Variants in ADAT2 observed in about 807,000 individuals in gnomAD.
ADAT2 encodes tRNA-specific adenosine-34 deaminase catalytic subunit ADAT2.
Under a neutral mutation model 25.9 loss-of-function variants are expected in ADAT2, and 26 were observed. The ratio of observed to expected loss-of-function variants is 1.00; its 90% CI spans 0.74 to 1.39. The LOEUF (loss-of-function observed/expected upper bound fraction) is 1.39. ADAT2 is among the 40% of genes most tolerant of loss of function. The pLI, the probability that ADAT2 is intolerant of heterozygous loss-of-function variation, is 0.00. For synonymous variants in ADAT2, 76 were observed against 86.8 expected, an observed-to-expected ratio of 0.88 and a Z score of 0.69; for missense variants, 220 against 244.8, an observed-to-expected ratio of 0.90 and a Z score of 0.68.
Position 143,443,235 on chromosome 6 carries a change from C to A in ADAT2, c.97-4541G>T, listed in dbSNP as rs370163815. ...CATAGACAACCTGGCTCCACTTATT[C>A]ATTTGTTCAACAAACATTTGTGGAG... On this transcript the variant is annotated intron_variant, in intron 1 of 5. Transcript: ENST00000237283. Among the ~76,000 whole-genome samples, 4 of 152,064 alleles carry A rather than the reference C, an allele frequency of 2.6e-5. No individual in the cohort carries two copies. In the East Asian group the frequency reaches 5.8e-4, roughly 22 times the overall value.
At chr6:143,447,824 G>C (rs1217572610) in intron 1 of ADAT2, among the ~76,000 whole-genome samples, 2 of 152,106 alleles carry the variant, frequency 1.3e-5, no homozygotes, top group East Asian at 3.9e-4. Flanking sequence ...CAACCATTGT[G>C]GAAGACAGTG....
intron 4 of ADAT2, among the ~76,000 whole-genome samples, chr6:143,430,247 A>G (rs1240848936): frequency 6.6e-6 from 1 of 151,976 alleles, no homozygotes; most frequent in Non-Finnish European, 1.5e-5. Context: ...TCGCACACTC[A>G]GAGCCCTCTC....
rs1176259795 is a variant in ADAT2 at position 143,423,778 on chromosome 6, C to T, written c.*4685G>A. 6.6e-6 allele frequency: 1 copy of T among 152,154 alleles called. No individual in the cohort carries two copies. The highest frequency in any genetic ancestry group is 2.4e-5 in the African/African-American group (1 of 41,404). 9.4% of individuals were successfully genotyped at this position (152,154 alleles called of 1,614,324 possible). ...GAAGGGAGGCCAAGGACTTACACAT[C>T]AAAAGTAGGGGATGAGAAATTTCAT... On this transcript the variant is annotated 3_prime_UTR_variant, in exon 6 of 6. Coordinates refer to ENST00000237283, the MANE Select transcript of ADAT2 (RefSeq NM_182503.3).
At position 143,440,205 on chromosome 6, in the gene ADAT2, C is replaced by T. The variant is rs971534578; in HGVS notation, c.97-1511G>A. Among the ~76,000 whole-genome samples the T allele has an allele frequency of 1.3e-5, 2 of 152,122 alleles. No homozygotes were observed. The highest frequency in any genetic ancestry group is 4.8e-5 in the African/African-American group (2 of 41,404). On this transcript the variant is annotated intron_variant, in intron 1 of 5. Coordinates refer to ENST00000237283, the MANE Select transcript of ADAT2 (RefSeq NM_182503.3). The surrounding 1 kb of genome is among the most constrained non-coding windows in gnomAD (Gnocchi z 4.5). Reference sequence around the variant, plus strand: ...CAAGGTATTCCTTACTGTGGCAGCCCTGAAGAGACTTTGGAAGACTTGATT... The same window carrying T: ...CAAGGTATTCCTTACTGTGGCAGCCTTGAAGAGACTTTGGAAGACTTGATT...
rs967314238 is a variant in ADAT2, at chr6:143,440,101, C to T, written c.97-1407G>A. On this transcript the variant is annotated intron_variant, in intron 1 of 5. Transcript: ENST00000237283. The surrounding 1 kb of genome is among the most constrained non-coding windows in gnomAD (Gnocchi z 4.5). ...GAGTCAGAATAAGGGAAGAGTACAA[C>T]CCTTGGACTAGTGTACATTCATTCC... 6.6e-6 allele frequency among the ~76,000 whole-genome samples: 1 copy of T among 152,122 alleles called. No individual in the cohort carries two copies. The highest frequency in any genetic ancestry group is 2.1e-4 in the South Asian group (1 of 4,832).
chr6:143,439,428 G>A (rs2128742168), intron 1 of ADAT2, among the ~76,000 whole-genome samples: 1 of 150,160 alleles, frequency 6.7e-6, no homozygotes, highest in African/African-American at 2.4e-5. Context: ...GCCAAAACCT[G>A]AAACTGCACA....
At position 143,444,180 on chromosome 6, in the gene ADAT2, T is replaced by C. The variant is rs889113054; in HGVS notation, c.97-5486A>G. On this transcript the variant is annotated intron_variant, in intron 1 of 5. Transcript: ENST00000237283. The surrounding 1 kb of genome is among the most constrained non-coding windows in gnomAD (Gnocchi z 4.3). ...TCTCAATATTATCTTCATGTTTATTTTGAGTAACACAGTTTTTTTTCCTGA... is the reference window on the plus strand; with the variant it reads ...TCTCAATATTATCTTCATGTTTATTCTGAGTAACACAGTTTTTTTTCCTGA... Among the ~76,000 whole-genome samples, 5 of 152,220 alleles carry C rather than the reference T, an allele frequency of 3.3e-5. No individual in the cohort carries two copies. Among genetic ancestry groups the C allele is most frequent in the African/African-American group, 1.2e-4 (5 of 41,456 alleles).
chr6:143,448,036 G>T (rs558235428), intron 1 of ADAT2, among the ~76,000 whole-genome samples: 1 of 152,128 alleles, frequency 6.6e-6, no homozygotes, highest in Non-Finnish European at 1.5e-5. Context: ...AGCAAATGTG[G>T]CTCATATACA....
At position 143,442,823 on chromosome 6, in the gene ADAT2, G is replaced by T. The variant is rs1459051445; in HGVS notation, c.97-4129C>A. Among the ~76,000 whole-genome samples the T allele has an allele frequency of 3.3e-5, 5 of 152,164 alleles. No homozygotes were observed. The highest frequency in any genetic ancestry group is 1.2e-4 in the African/African-American group (5 of 41,428). Reference sequence around the variant, plus strand: ...AACACTAGGCCAAGAAGGAAGGGTGGTCAAGTGTGTCTAATTCAGCAAGGT... The same window carrying T: ...AACACTAGGCCAAGAAGGAAGGGTGTTCAAGTGTGTCTAATTCAGCAAGGT... On this transcript the variant is annotated intron_variant, in intron 1 of 5. Transcript: ENST00000237283. This position sits in a 1 kb window ranked among gnomAD's most constrained non-coding sequence, Gnocchi z 4.6.
chr6:143,447,057 T>C (rs561199036), intron 1 of ADAT2, among the ~76,000 whole-genome samples: 1 of 152,318 alleles, frequency 6.6e-6, no homozygotes, highest in African/African-American at 2.4e-5. Flanking sequence ...TGAAAAATAA[T>C]GGTTTTATTA....
Position 143,434,079 on chromosome 6 carries a change from T to G in ADAT2, c.202-98A>C. Reference sequence around the variant, plus strand: ...TAAGTACAAAATATGCGCCTATCCTTTCTGCCAATATTTTAATGAATACAG... The same window carrying G: ...TAAGTACAAAATATGCGCCTATCCTGTCTGCCAATATTTTAATGAATACAG... On this transcript the variant is annotated intron_variant, in intron 2 of 5. Coordinates refer to ENST00000237283, the MANE Select transcript of ADAT2 (RefSeq NM_182503.3). This position sits in a 1 kb window ranked among gnomAD's most constrained non-coding sequence, Gnocchi z 4.5. 7.0e-7 allele frequency: 1 copy of G among 1,437,528 alleles called. No homozygotes were observed. The highest frequency in any genetic ancestry group is 2.3e-5 in the East Asian group (1 of 43,932). 89.0% of individuals were successfully genotyped at this position (1,437,528 alleles called of 1,614,324 possible).
In ADAT2 at chr6:143,438,721, A is replaced by T. The variant is rs1052003720; in HGVS notation, c.97-27T>A. On this transcript the variant is annotated intron_variant, in intron 1 of 5. Coordinates refer to ENST00000237283, the MANE Select transcript of ADAT2 (RefSeq NM_182503.3). ...TGAAACACAAAGTGGAAAATGTAAG[A>T]CGTAATACTCCATACTTGAAGAGAG... 6.4e-6 allele frequency: 10 copies of T among 1,555,146 alleles called. No individual in the cohort carries two copies. In the Admixed American group the frequency reaches 8.4e-5, roughly 13 times the overall value.
rs912464654 is a variant in ADAT2 at position 143,428,460 on chromosome 6, T to C, written c.*3A>G. 3.1e-6 allele frequency: 5 copies of C among 1,613,438 alleles called. No homozygotes were observed. The highest frequency in any genetic ancestry group is 2.2e-5 in the East Asian group (1 of 44,868). On this transcript the variant is annotated 3_prime_UTR_variant, in exon 6 of 6. Transcript: ENST00000237283. The surrounding 1 kb of genome is among the most constrained non-coding windows in gnomAD (Gnocchi z 5.0). ...GTCACTTGGTTCTTTCATCAGAACA[T>C]GTTCAAGATTTCTGACATTCCTTTT...
At position 143,428,396 on chromosome 6, in the gene ADAT2, A is replaced by G; in HGVS notation, c.*67T>C. The G allele has an allele frequency of 1.3e-6, 2 of 1,522,712 alleles. No homozygotes were observed. The highest frequency in any genetic ancestry group is 1.8e-6 in the Non-Finnish European group (2 of 1,110,168). 94.3% of individuals were successfully genotyped at this position (1,522,712 alleles called of 1,614,324 possible). On this transcript the variant is annotated 3_prime_UTR_variant, in exon 6 of 6. Coordinates refer to ENST00000237283, the MANE Select transcript of ADAT2 (RefSeq NM_182503.3). The surrounding 1 kb of genome is among the most constrained non-coding windows in gnomAD (Gnocchi z 5.0). ...ATAAACATATGATTCAACGATGTCA[A>G]CAGCTTTCAGTCTATGAATCTTGTC...
chr6:143,449,968 T>G (rs1779714878), intron 1 of ADAT2: 1 of 152,326 alleles, frequency 6.6e-6, no homozygotes, highest in African/African-American at 2.4e-5. Context: ...CGTGGCTGTA[T>G]GTAGTTATTA....
At position 143,423,347 on chromosome 6, in the gene ADAT2, C is replaced by T. The variant is rs924895053; in HGVS notation, c.*5116G>A. 3.3e-5 allele frequency: 5 copies of T among 152,098 alleles called. No homozygotes were observed. The highest frequency in any genetic ancestry group is 1.3e-4 in the Admixed American group (2 of 15,270). 9.4% of individuals were successfully genotyped at this position (152,098 alleles called of 1,614,324 possible). A position where few individuals can be genotyped will look rare whatever the true frequency, so the allele number is the denominator to read the frequency against. On this transcript the variant is annotated 3_prime_UTR_variant, in exon 6 of 6. Transcript: ENST00000237283. ...GGTTCATGGGTCACTAAATATTATC[C>T]TTCTTTTGATTTTTTTTCAATCACT...
At chr6:143,447,071 A>T (rs907320638) in intron 1 of ADAT2, among the ~76,000 whole-genome samples, 2 of 152,230 alleles carry the variant, frequency 1.3e-5, no homozygotes, top group African/African-American at 4.8e-5. Flanking sequence ...TTTATTAAAA[A>T]GCAGTAAAGT....
intron 1 of ADAT2, among the ~76,000 whole-genome samples, chr6:143,449,639 T>A (rs1402227035): frequency 6.6e-6 from 1 of 152,186 alleles, no homozygotes; most frequent in Non-Finnish European, 1.5e-5. Context: ...CACCGCTGTA[T>A]ATGTGGTCCT....
intron 1 of ADAT2, among the ~76,000 whole-genome samples, chr6:143,448,716 A>T (rs1311278552): frequency 6.6e-6 from 1 of 152,106 alleles, no homozygotes; most frequent in Non-Finnish European, 1.5e-5. Context: ...TTTTAGAAAT[A>T]TCATGTTCAG....
Sources: allele counts gnomAD v4.1 joint callset (sites outside exome capture counted in the v4.1 genomes callset), GRCh38; gene constraint gnomAD v4.1.1; non-coding constraint Gnocchi (gnomAD v3.1); transcripts MANE v1.5; gene names NCBI Gene and HGNC (gene_info 2026-07-23, HGNC 2026-07-21).